Variants in DLG2 observed in about 807,000 individuals in gnomAD.
DLG2 encodes the protein disks large homolog 2.
DLG2 carries 45 observed loss-of-function variants against 132.5 expected under a neutral mutation model. The ratio of observed to expected loss-of-function variants is 0.34; its 90% CI spans 0.27 to 0.44. The LOEUF (loss-of-function observed/expected upper bound fraction) is 0.44, where lower values mean the gene tolerates loss of function less well. Among genes scored for constraint, DLG2 ranks in the 20% least tolerant of loss-of-function variants. The pLI, the probability that DLG2 is intolerant of heterozygous loss-of-function variation, is 1.00. For synonymous variants in DLG2, 424 were observed against 419.6 expected (o/e 1.01, Z -0.13); for missense variants, 1,045 against 1,196.9 (o/e 0.87, Z 1.87).
At chr11:84,754,343 C>T (rs749835009) in intron 6 of DLG2, among the ~76,000 whole-genome samples, 74 of 152,158 alleles carry the variant, frequency 4.9e-4, no homozygotes, top group Non-Finnish European at 9.1e-4. Context: ...TGAACTTACC[C>T]GCCTTATTCT....
intron 5 of DLG2, among the ~76,000 whole-genome samples, chr11:85,128,810 T>A (rs1176501950): frequency 6.6e-6 from 1 of 152,174 alleles, no homozygotes; most frequent in African/African-American, 2.4e-5. Flanking sequence ...GTTATTGAGA[T>A]GACTTCATTT....
At chr11:85,543,806 T>C (rs2076126262) in intron 3 of DLG2, among the ~76,000 whole-genome samples, 1 of 152,042 alleles carries the variant, frequency 6.6e-6, no homozygotes, top group Non-Finnish European at 1.5e-5. Context: ...TGTCTGTTCA[T>C]ATCCTTCATT....
chr11:85,387,943 C>T (rs140555383), intron 3 of DLG2, among the ~76,000 whole-genome samples: 23 of 152,246 alleles, frequency 1.5e-4, no homozygotes, highest in African/African-American at 4.8e-4. Context: ...TGAGAGAATC[C>T]ACAGACCATT....
chr11:84,419,483 A>G (rs1190969727), intron 7 of DLG2, among the ~76,000 whole-genome samples: 3 of 152,220 alleles, frequency 2.0e-5, no homozygotes, highest in Non-Finnish European at 4.4e-5. Context: ...CATCCTGAAC[A>G]TACTGTCTCA....
intron 3 of DLG2, among the ~76,000 whole-genome samples, chr11:85,533,308 GCC>G (rs2075344010): frequency 6.6e-6 from 1 of 151,906 alleles, no homozygotes. Context: ...ACAGGCATGA[GCC>G]ACCACACCCA....
rs1030657833 is a variant in DLG2, at chr11:83,987,697, C to T, written c.920-7055G>A. On this transcript the variant is annotated intron_variant, in intron 11 of 27. Transcript: ENST00000376104. ...CTTACACCTTATACAAAAATTAATT[C>T]AAGATGGATTAAAGACTTAAACGTT... Among the ~76,000 whole-genome samples, 3 of 152,144 alleles carry T rather than the reference C, an allele frequency of 2.0e-5. No individual in the cohort carries two copies. In the East Asian group the frequency reaches 5.8e-4, roughly 29 times the overall value.
intron 3 of DLG2, among the ~76,000 whole-genome samples, chr11:85,315,823 T>TA (rs1217465231): frequency 1.3e-5 from 2 of 151,994 alleles, no homozygotes; most frequent in Non-Finnish European, 2.9e-5. Context: ...GTAGGATATT[T>TA]AAAAACTGCC....
chr11:83,656,079 C>A (rs1329689588), intron 18 of DLG2, among the ~76,000 whole-genome samples: 1 of 152,206 alleles, frequency 6.6e-6, no homozygotes, highest in Non-Finnish European at 1.5e-5. Flanking sequence ...TTACGCAGGT[C>A]AGGGAACATC....
chr11:83,835,738 C>G (rs2055963467), intron 16 of DLG2, among the ~76,000 whole-genome samples: 1 of 152,144 alleles, frequency 6.6e-6, no homozygotes, highest in Non-Finnish European at 1.5e-5. Context: ...GACTGTGTTG[C>G]CTACCTATGC....
At chr11:83,668,610 A>C (rs2076144055) in intron 18 of DLG2, among the ~76,000 whole-genome samples, 2 of 151,206 alleles carry the variant, frequency 1.3e-5, no homozygotes, top group African/African-American at 4.9e-5. Context: ...AATGGAAGAA[A>C]AACTATATAT....
chr11:83,849,006 T>C (rs1053903776), intron 16 of DLG2, among the ~76,000 whole-genome samples: 4 of 152,198 alleles, frequency 2.6e-5, no homozygotes, highest in Admixed American at 1.3e-4. Context: ...CTCTACCAAC[T>C]GGGAATTCTT....
intron 3 of DLG2, among the ~76,000 whole-genome samples, chr11:85,480,675 A>C (rs991703889): frequency 6.6e-6 from 1 of 152,224 alleles, no homozygotes; most frequent in Non-Finnish European, 1.5e-5. Context: ...ATAAATTCTT[A>C]ATTAGGCTCC....
chr11:84,778,420 G>A (rs951895387), intron 6 of DLG2, among the ~76,000 whole-genome samples: 2 of 152,026 alleles, frequency 1.3e-5, no homozygotes, highest in Admixed American at 6.6e-5. Flanking sequence ...TGCTTAAGAC[G>A]TTTTGAGTCT....
intron 6 of DLG2, among the ~76,000 whole-genome samples, chr11:85,000,312 G>C (rs1297956713): frequency 6.6e-6 from 1 of 152,152 alleles, no homozygotes; most frequent in Non-Finnish European, 1.5e-5. Context: ...GTCCAGAAAA[G>C]CTTAGAGGTC....
intron 7 of DLG2, among the ~76,000 whole-genome samples, chr11:84,306,984 T>A (rs1466448572): frequency 6.6e-6 from 1 of 152,192 alleles, no homozygotes; most frequent in Non-Finnish European, 1.5e-5. Flanking sequence ...AACAAACCCA[T>A]TACTGAGTAT....
chr11:84,937,846 T>C (rs1356993528), intron 6 of DLG2, among the ~76,000 whole-genome samples: 1 of 152,160 alleles, frequency 6.6e-6, no homozygotes. Flanking sequence ...ATATGACTAG[T>C]CTTAAAAGTA....
intron 3 of DLG2, among the ~76,000 whole-genome samples, chr11:85,318,132 T>C (rs1018632705): frequency 3.3e-5 from 5 of 151,920 alleles, no homozygotes; most frequent in Admixed American, 3.3e-4. Context: ...TTAATCTGAG[T>C]GGATTATCAA....
chr11:85,532,847 T>A (rs1039417214), intron 3 of DLG2, among the ~76,000 whole-genome samples: 6 of 152,234 alleles, frequency 3.9e-5, no homozygotes, highest in Non-Finnish European at 7.3e-5. Context: ...AAATCAAAGC[T>A]ATTTTTTTTA....
chr11:83,991,051 C>T (rs921016047), intron 11 of DLG2, among the ~76,000 whole-genome samples: 1 of 152,042 alleles, frequency 6.6e-6, no homozygotes, highest in African/African-American at 2.4e-5. Context: ...GTCATCTCTT[C>T]CTTTTTAGAA....
Sources: allele counts gnomAD v4.1 joint callset (sites outside exome capture counted in the v4.1 genomes callset), GRCh38; gene constraint gnomAD v4.1.1; transcripts MANE v1.5; gene names NCBI Gene and HGNC (gene_info 2026-07-23, HGNC 2026-07-21).